Variants in SGCD observed in about 807,000 individuals in gnomAD.
The protein encoded by SGCD is sarcoglycan delta.
SGCD carries 18 observed loss-of-function variants against 36.6 expected under a neutral mutation model. The ratio of observed to expected loss-of-function variants is 0.49; its 90% CI spans 0.34 to 0.73. The LOEUF (loss-of-function observed/expected upper bound fraction) is 0.73. SGCD is among the 30% of genes least tolerant of loss of function. The pLI is 0.01. For missense variants in SGCD, 387 were observed against 346.7 expected, an observed-to-expected ratio of 1.12 and a Z score of -0.92; for synonymous variants, 133 against 130.6, an observed-to-expected ratio of 1.02 and a Z score of -0.12.
rs114951120 is a variant in SGCD, at chr5:156,073,943, C to T, written c.-281-43935C>T. On this transcript the variant is annotated intron_variant, in intron 1 of 9. Transcript: ENST00000517913. The stretch of plus-strand genomic sequence containing the variant: ...GGCAAAGCACTGGGGTGGAGAGGAG[C>T]CATTTCATGGAAGAAGGACAACCCA... Among the ~76,000 whole-genome samples the T allele has an allele frequency of 3.4e-3, 521 of 152,096 alleles. 4 individuals are homozygous for T. The highest frequency in any genetic ancestry group is 0.012 in the African/African-American group (495 of 41,478).
intron 7 of SGCD, among the ~76,000 whole-genome samples, chr5:156,713,962 A>G (rs972895272): frequency 8.5e-5 from 13 of 152,210 alleles, no homozygotes; most frequent in African/African-American, 2.2e-4. Context: ...ATGAGTCCCA[A>G]TTGTGTCAAC....
the SGCD span, among the ~76,000 whole-genome samples, chr5:155,780,026 A>T: frequency 6.6e-6 from 1 of 152,180 alleles, no homozygotes; most frequent in Non-Finnish European, 1.5e-5. Context: ...CACTGAAAAA[A>T]ATGTTATTCT....
the SGCD span, among the ~76,000 whole-genome samples, chr5:155,850,106 C>CT: frequency 0.28 from 42,308 of 152,060 alleles, 7,428 homozygotes; most frequent in East Asian, 0.44. Context: ...GATTAAGTAC[C>CT]TTGTTTCTCC....
intron 3 of SGCD, among the ~76,000 whole-genome samples, chr5:156,271,480 C>G (rs527664010): frequency 3.3e-5 from 5 of 152,156 alleles, no homozygotes; most frequent in Admixed American, 2.6e-4. Flanking sequence ...TGAATTTAAG[C>G]CTTTGGAAAT....
At chr5:156,109,208 T>C (rs572102458) in intron 1 of SGCD, among the ~76,000 whole-genome samples, 35 of 152,290 alleles carry the variant, frequency 2.3e-4, no homozygotes, top group African/African-American at 8.4e-4. Flanking sequence ...CTGTAGTTGC[T>C]TACCTTCTTG....
At chr5:156,682,249 A>G (rs1275139479) in intron 7 of SGCD, among the ~76,000 whole-genome samples, 1 of 152,268 alleles carries the variant, frequency 6.6e-6, no homozygotes, top group African/African-American at 2.4e-5. Context: ...TTCCACAACT[A>G]TAATAGCATA....
chr5:156,559,054 C>T (rs4705020), intron 4 of SGCD, among the ~76,000 whole-genome samples: 3,363 of 152,246 alleles, frequency 0.022, 180 homozygotes, highest in Admixed American at 0.12. Flanking sequence ...GTGAGTTGAA[C>T]GCCAGCTCTA....
At chr5:156,502,038 CTTTT>C (rs34669004) in intron 3 of SGCD, among the ~76,000 whole-genome samples, 2 of 141,076 alleles carry the variant, frequency 1.4e-5, no homozygotes, top group Non-Finnish European at 1.6e-5. Context: ...GATATTCTCT[CTTTT>C]TTTTTTTTTT....
chr5:156,587,522 A>G (rs1760542758), intron 4 of SGCD, among the ~76,000 whole-genome samples: 1 of 152,128 alleles, frequency 6.6e-6, no homozygotes, highest in South Asian at 2.1e-4. Flanking sequence ...GTGATATCAT[A>G]TTCCCTCCCC....
At chr5:155,800,467 C>T in the SGCD span, among the ~76,000 whole-genome samples, 1 of 152,124 alleles carries the variant, frequency 6.6e-6, no homozygotes, top group Non-Finnish European at 1.5e-5. Context: ...AGCTACTGAC[C>T]TTTTCTGTAT....
chr5:155,886,511 CGTGTGTGTGTGCGTGGGCGCGT>C (rs1207948522), intron 1 of SGCD, among the ~76,000 whole-genome samples: 2 of 149,692 alleles, frequency 1.3e-5, no homozygotes, highest in African/African-American at 2.5e-5. Context: ...CGCGCGCGTG[CGTGTGTGTGTGCGTGGGCGCGT>C]GTGTGTGTGT....
chr5:156,488,131 C>A (rs1211663857), intron 3 of SGCD, among the ~76,000 whole-genome samples: 14 of 107,218 alleles, frequency 1.3e-4, no homozygotes, highest in South Asian at 3.0e-4. Context: ...TTTTAAATAA[C>A]CCAGTTAGAC....
chr5:156,457,793 G>T (rs1386726255), intron 3 of SGCD, among the ~76,000 whole-genome samples: 1 of 152,216 alleles, frequency 6.6e-6, no homozygotes, highest in African/African-American at 2.4e-5. Flanking sequence ...GTCCCTGTTT[G>T]AGAGCTTGGG....
intron 2 of SGCD, among the ~76,000 whole-genome samples, chr5:156,122,843 T>TTA (rs1762076620): frequency 3.9e-4 from 21 of 54,170 alleles, no homozygotes; most frequent in African/African-American, 1.2e-3. Context: ...AAAGATGTGG[T>TTA]AAAAAAAAAA....
At chr5:156,181,687 C>A (rs1763610894) in intron 3 of SGCD, among the ~76,000 whole-genome samples, 1 of 152,008 alleles carries the variant, frequency 6.6e-6, no homozygotes, top group Non-Finnish European at 1.5e-5. Flanking sequence ...AATTTTTTTC[C>A]TTTTATAAGT....
chr5:156,123,252 G>A (rs1762088521), intron 2 of SGCD, among the ~76,000 whole-genome samples: 1 of 152,142 alleles, frequency 6.6e-6, no homozygotes, highest in African/African-American at 2.4e-5. Context: ...CTCAAGCTGT[G>A]GACCTGGAAG....
At chr5:155,956,476 G>GGC (rs1285754758) in intron 1 of SGCD, among the ~76,000 whole-genome samples, 1 of 152,088 alleles carries the variant, frequency 6.6e-6, no homozygotes, top group Non-Finnish European at 1.5e-5. Context: ...AGATAATGTA[G>GGC]GCGCTGGCAT....
intron 4 of SGCD, among the ~76,000 whole-genome samples, chr5:156,548,953 A>G (rs1353251333): frequency 1.3e-5 from 2 of 152,100 alleles, no homozygotes; most frequent in East Asian, 3.8e-4. Context: ...TTCAAATTTG[A>G]TTCAGCCTTG....
chr5:156,469,749 G>A (rs969152749), intron 3 of SGCD, among the ~76,000 whole-genome samples: 21 of 152,312 alleles, frequency 1.4e-4, no homozygotes, highest in African/African-American at 4.8e-4. Context: ...ATATGTTGGT[G>A]TAAGATGACA....
Sources: gnomAD v4.1 joint callset for allele counts (sites outside exome capture counted in the v4.1 genomes callset) on GRCh38, gnomAD v4.1.1 for gene constraint, MANE v1.5 for transcripts, NCBI Gene and HGNC (gene_info 2026-07-23, HGNC 2026-07-21) for gene names.